ARHGEF38: variants seen among roughly 807,000 people sequenced by gnomAD.
The protein encoded by ARHGEF38 is Rho guanine nucleotide exchange factor (GEF) 38.
In ARHGEF38, 79 loss-of-function variants were observed where a neutral mutation model predicts 79.9. The observed-to-expected ratio is 0.99, with a 90% CI of 0.82 to 1.19. The LOEUF is 1.19. ARHGEF38 is among the 50% of genes most tolerant of loss of function. The pLI, the probability that ARHGEF38 is intolerant of heterozygous loss-of-function variation, is 0.00. For synonymous variants in ARHGEF38, 366 were observed against 328.3 expected (o/e 1.11, Z -1.24); for missense variants, 962 against 907.2 (o/e 1.06, Z -0.78).
In ARHGEF38 at chr4:105,631,030, G is replaced by A; in HGVS notation, c.641G>A (p.Cys214Tyr). ...GAGCTGAAGGAACATTTGAGCCACT[G>A]TATCCAGTCCTTAAAGTAAGGCCTT... ...EEELKEHLSH[C>Y]IQSLKKIYMQ... is the part of the protein sequence containing the mutation. Residue 214 changes from cysteine to tyrosine, a missense_variant, in exon 4 of 14, where the codon TGT becomes TAT. Physicochemically the swap from Cys to Tyr is radical, Grantham distance 194. Transcript: ENST00000420470. 6.2e-7 allele frequency: 1 copy of A among 1,613,088 alleles called. No individual in the cohort carries two copies. Among genetic ancestry groups the A allele is most frequent in the South Asian group, 1.1e-5 (1 of 90,792 alleles).
At chr4:105,581,076 C>G (rs1726766119) in intron 1 of ARHGEF38, among the ~76,000 whole-genome samples, 1 of 151,940 alleles carries the variant, frequency 6.6e-6, no homozygotes, top group Non-Finnish European at 1.5e-5. Context: ...GTCTGTTTAA[C>G]TCACCCCACC....
At chr4:105,573,703 T>C (rs1243087602) in intron 1 of ARHGEF38, among the ~76,000 whole-genome samples, 1 of 152,004 alleles carries the variant, frequency 6.6e-6, no homozygotes, top group Non-Finnish European at 1.5e-5. Flanking sequence ...TGGCCTATTG[T>C]TGTCCCTTGA....
chr4:105,561,409 A>AGAATAGAATG lies in ARHGEF38; in HGVS notation c.196+8457_196+8458insGGAATAGAAT, dbSNP rs1560684186. On this transcript the variant is annotated intron_variant, in intron 1 of 13. Coordinates refer to ENST00000420470, the MANE Select transcript of ARHGEF38 (RefSeq NM_001242729.2). ...CAAAAATAGAGTAGAATAATAGAAT[A>AGAATAGAATG]GAATAGAATAGAATGGAATAGAATA... Among the ~76,000 whole-genome samples the AGAATAGAATG allele has an allele frequency of 6.2e-4, 32 of 51,244 alleles. 3 individuals carry two copies. Among genetic ancestry groups the AGAATAGAATG allele is most frequent in the East Asian group, 3.4e-3 (5 of 1,480 alleles). The allele number at this position is 51,244 out of a possible 152,430, so 33.6% of individuals were successfully genotyped here. A position where few individuals can be genotyped will look rare whatever the true frequency, so the allele number is the denominator to read the frequency against.
chr4:105,613,846 C>A (rs1253165711), intron 3 of ARHGEF38, among the ~76,000 whole-genome samples: 3 of 151,988 alleles, frequency 2.0e-5, no homozygotes, highest in Non-Finnish European at 4.4e-5. Flanking sequence ...ATTCTAATAG[C>A]TTTACTGATT....
At chr4:105,677,335 C>T (rs957056508) in intron 13 of ARHGEF38, among the ~76,000 whole-genome samples, 3 of 152,158 alleles carry the variant, frequency 2.0e-5, no homozygotes, top group Non-Finnish European at 2.9e-5. Context: ...TCTTGCTAAA[C>T]TTATAGTGTT....
intron 2 of ARHGEF38, among the ~76,000 whole-genome samples, chr4:105,594,489 G>A (rs1467649718): frequency 6.6e-6 from 1 of 152,190 alleles, no homozygotes; most frequent in Non-Finnish European, 1.5e-5. Context: ...GTTAAGCTAG[G>A]AGAGAATTTG....
chr4:105,667,556 C>T lies in ARHGEF38; in HGVS notation c.2001C>T (p.Leu667=). ...FCDDDFENIS[L]FVSSRPASDS... is the part of the protein sequence containing the mutation. ...ACGATGATTTTGAGAACATCAGCCT[C>T]TTCGTGTCTTCACGGCCAGCTAGTG... is the stretch of plus-strand genomic sequence containing the variant. The change falls in exon 13 of 14, where the codon CTC becomes CTT. Residue 667 remains leucine (L), a synonymous_variant. Transcript: ENST00000420470. 6.5e-7 allele frequency: 1 copy of T among 1,536,704 alleles called. No homozygotes were observed. Among genetic ancestry groups the T allele is most frequent in the Non-Finnish European group, 8.7e-7 (1 of 1,147,052 alleles).
At chr4:105,622,055 C>T (rs1728756813) in intron 3 of ARHGEF38, among the ~76,000 whole-genome samples, 2 of 152,134 alleles carry the variant, frequency 1.3e-5, no homozygotes, top group African/African-American at 4.8e-5. Context: ...GTTGGACTTC[C>T]AGTCTCCTGA....
intron 2 of ARHGEF38, among the ~76,000 whole-genome samples, chr4:105,601,723 C>T (rs1008236465): frequency 6.6e-6 from 1 of 152,002 alleles, no homozygotes; most frequent in African/African-American, 2.4e-5. Context: ...TCAGAGAAAG[C>T]CTTTAGGTAG....
At chr4:105,593,267 T>G (rs1727422996) in intron 2 of ARHGEF38, among the ~76,000 whole-genome samples, 1 of 152,134 alleles carries the variant, frequency 6.6e-6, no homozygotes, top group African/African-American at 2.4e-5. Context: ...CCAGTTGCAG[T>G]GGCTCACACC....
chr4:105,618,598 G>T (rs1313596693), intron 3 of ARHGEF38, among the ~76,000 whole-genome samples: 1 of 152,134 alleles, frequency 6.6e-6, no homozygotes. Context: ...TCCAGCCTGG[G>T]TGACAGAGCG....
At chr4:105,607,650 G>T (rs746919089) in intron 2 of ARHGEF38, among the ~76,000 whole-genome samples, 1 of 152,086 alleles carries the variant, frequency 6.6e-6, no homozygotes, top group Non-Finnish European at 1.5e-5. Context: ...GAGGGAGAAA[G>T]AGAGGTTAAT....
At chr4:105,614,673 C>T (rs772221211) in intron 3 of ARHGEF38, among the ~76,000 whole-genome samples, 5 of 152,128 alleles carry the variant, frequency 3.3e-5, no homozygotes, top group Admixed American at 6.6e-5. Flanking sequence ...ATGTCCCCAA[C>T]AAATTGTAAA....
intron 2 of ARHGEF38, among the ~76,000 whole-genome samples, chr4:105,596,800 T>C (rs558473043): frequency 6.6e-6 from 1 of 152,340 alleles, no homozygotes; most frequent in East Asian, 1.9e-4. Flanking sequence ...TTTAGCTGGT[T>C]GGGCATCCCT....
At chr4:105,570,048 AG>A (rs1444415811) in intron 1 of ARHGEF38, 14 of 152,274 alleles carry the variant, frequency 9.2e-5, no homozygotes, top group African/African-American at 3.4e-4. Flanking sequence ...AGTTCCAGTC[AG>A]GGAGTGAAGG....
chr4:105,599,453 A>G (rs961406281), intron 2 of ARHGEF38, among the ~76,000 whole-genome samples: 5 of 152,154 alleles, frequency 3.3e-5, no homozygotes, highest in East Asian at 1.9e-4. Flanking sequence ...AATATCCAGA[A>G]AAGTCATCCC....
intron 4 of ARHGEF38, among the ~76,000 whole-genome samples, chr4:105,633,796 T>C (rs115302605): frequency 0.017 from 2,566 of 152,200 alleles, 66 homozygotes; most frequent in African/African-American, 0.056. Flanking sequence ...CAAACCCTAG[T>C]TGAGGAGATA....
At chr4:105,643,254 T>C (rs930127843) in intron 5 of ARHGEF38, among the ~76,000 whole-genome samples, 2 of 152,036 alleles carry the variant, frequency 1.3e-5, no homozygotes, top group African/African-American at 4.8e-5. Context: ...TCCCTCCCTC[T>C]TTCCGAGTCT....
intron 3 of ARHGEF38, among the ~76,000 whole-genome samples, chr4:105,616,325 GA>G (rs1728505985): frequency 6.6e-6 from 1 of 152,102 alleles, no homozygotes; most frequent in African/African-American, 2.4e-5. Context: ...GGTAATTTAT[GA>G]AGAAAAGAGG....
Sources: gnomAD v4.1 joint callset for allele counts (sites outside exome capture counted in the v4.1 genomes callset) on GRCh38, gnomAD v4.1.1 for gene constraint, MANE v1.5 for transcripts, NCBI Gene and HGNC (gene_info 2026-07-23, HGNC 2026-07-21) for gene names.